LY6S: variants seen among roughly 807,000 people sequenced by gnomAD.
The protein encoded by LY6S is lymphocyte antigen 6S.
the LY6S span, among the ~76,000 whole-genome samples, chr8:143,070,498 T>A: frequency 2.5e-5 from 3 of 120,690 alleles, no homozygotes; most frequent in Admixed American, 8.7e-5. Flanking sequence ...TATTTTTTTT[T>A]TTTTTTGAGA....
chr8:143,072,303 G>A, the LY6S span, among the ~76,000 whole-genome samples: 33 of 131,554 alleles, frequency 2.5e-4, no homozygotes, highest in Admixed American at 4.7e-4. Flanking sequence ...GGAGACAGCC[G>A]TCGTCCCCGG....
chr8:143,058,277 G>T, the LY6S span, among the ~76,000 whole-genome samples: 3 of 152,138 alleles, frequency 2.0e-5, no homozygotes, highest in Non-Finnish European at 2.9e-5. Flanking sequence ...TGCAGAGACT[G>T]GTAGAGGCCC....
At chr8:143,076,116 TTGAC>T in the LY6S span, among the ~76,000 whole-genome samples, 1 of 152,208 alleles carries the variant, frequency 6.6e-6, no homozygotes, top group Non-Finnish European at 1.5e-5. Context: ...GCCTGTGTGT[TTGAC>T]TGATTTTGTG....
chr8:143,071,291 G>A, the LY6S span, among the ~76,000 whole-genome samples: 2 of 152,188 alleles, frequency 1.3e-5, no homozygotes, highest in African/African-American at 4.8e-5. Context: ...ACGTTCTCCT[G>A]GCAGCTGTGG....
chr8:143,067,138 C>T, the LY6S span, among the ~76,000 whole-genome samples: 1 of 152,222 alleles, frequency 6.6e-6, no homozygotes, highest in African/African-American at 2.4e-5. Context: ...ACCCCTTTCT[C>T]CACTCTTGTT....
chr8:143,065,578 A>G, the LY6S span, among the ~76,000 whole-genome samples: 2 of 150,784 alleles, frequency 1.3e-5, no homozygotes, highest in Non-Finnish European at 1.5e-5. Flanking sequence ...TTTTTTGGTC[A>G]TGGGTGGATA....
At chr8:143,057,540 G>A in the LY6S span, 33 of 975,534 alleles carry the variant, frequency 3.4e-5, no homozygotes, top group Middle Eastern at 3.1e-4. Flanking sequence ...GAGCCACTGC[G>A]CCTGGCTGCC....
the LY6S span, among the ~76,000 whole-genome samples, chr8:143,070,375 AT>A: frequency 7.9e-6 from 1 of 127,192 alleles, no homozygotes; most frequent in African/African-American, 3.1e-5. Context: ...ATATATATAT[AT>A]AAATATATAT....
At chr8:143,043,107 G>T in the LY6S span, 1 of 1,367,562 alleles carries the variant, frequency 7.3e-7, no homozygotes, top group Non-Finnish European at 9.8e-7. Context: ...CGGGGGAGAG[G>T]GCGGGAAAGG....
the LY6S span, among the ~76,000 whole-genome samples, chr8:143,052,468 C>T: frequency 2.0e-5 from 3 of 152,178 alleles, no homozygotes; most frequent in Non-Finnish European, 4.4e-5. Flanking sequence ...AGTCCAGCAG[C>T]GAGGAACCCA....
At chr8:143,051,059 C>T in the LY6S span, among the ~76,000 whole-genome samples, 32 of 152,190 alleles carry the variant, frequency 2.1e-4, no homozygotes, top group East Asian at 3.9e-4. Flanking sequence ...AGAAATACTG[C>T]GGCTTTTAGA....
the LY6S span, chr8:143,049,158 C>T: frequency 7.5e-6 from 4 of 534,506 alleles, no homozygotes; most frequent in Admixed American, 1.9e-5. Context: ...CAGCTTGGCT[C>T]GGGGACACCT....
At chr8:143,050,799 A>T in the LY6S span, among the ~76,000 whole-genome samples, 11 of 152,130 alleles carry the variant, frequency 7.2e-5, no homozygotes, top group Non-Finnish European at 1.6e-4. Flanking sequence ...AGTTGCATGG[A>T]AAATAAAAAA....
chr8:143,055,282 C>T, the LY6S span, among the ~76,000 whole-genome samples: 7 of 152,170 alleles, frequency 4.6e-5, no homozygotes, highest in South Asian at 1.2e-3. Flanking sequence ...CATCAGGCAG[C>T]AGGAAGGAAG....
chr8:143,070,276 T>G, the LY6S span, among the ~76,000 whole-genome samples: 2 of 149,380 alleles, frequency 1.3e-5, no homozygotes, highest in Non-Finnish European at 3.0e-5. Context: ...GCTATCACAT[T>G]CTGAGGTAGC....
the LY6S span, among the ~76,000 whole-genome samples, chr8:143,070,444 T>TTG: frequency 4.2e-3 from 240 of 56,528 alleles, 11 homozygotes; most frequent in East Asian, 0.017. Context: ...TATATATATA[T>TTG]TGTATATATA....
At chr8:143,073,629 G>T in the LY6S span, among the ~76,000 whole-genome samples, 1 of 130,226 alleles carries the variant, frequency 7.7e-6, no homozygotes, top group Non-Finnish European at 1.6e-5. Flanking sequence ...GGAGACAGCC[G>T]TCATCCCCGG....
chr8:143,076,036 A>C, the LY6S span, among the ~76,000 whole-genome samples: 1 of 152,158 alleles, frequency 6.6e-6, no homozygotes. Flanking sequence ...AAAAAAATGA[A>C]AATGATAACA....
the LY6S span, chr8:143,043,336 T>C: frequency 9.8e-7 from 1 of 1,018,554 alleles, no homozygotes. Context: ...CCTCTCACTT[T>C]ACCTGCGAGA....
Sources: gnomAD v4.1 joint callset for allele counts (sites outside exome capture counted in the v4.1 genomes callset) on GRCh38, gnomAD v4.1.1 for gene constraint, MANE v1.5 for transcripts, NCBI Gene and HGNC (gene_info 2026-07-23, HGNC 2026-07-21) for gene names.